Variants in MGAT4C observed in about 807,000 individuals in gnomAD.
MGAT4C encodes the protein alpha-1,3-mannosyl-glycoprotein 4-beta-N-acetylglucosaminyltransferase C.
A neutral mutation model predicts 40.1 loss-of-function variants in MGAT4C; 19 were observed. That is an observed-to-expected ratio of 0.47 (90% confidence interval 0.33 to 0.70). The LOEUF (loss-of-function observed/expected upper bound fraction) is 0.70, where lower values mean the gene tolerates loss of function less well. MGAT4C is among the 30% of genes least tolerant of loss of function. The probability of loss-of-function intolerance (pLI) is 0.02; values close to 1 mark genes in which losing one functional copy is unlikely to be tolerated. For missense variants in MGAT4C, 491 were observed against 563.2 expected (o/e 0.87, Z 1.30); for synonymous variants, 181 against 187.1 (o/e 0.97, Z 0.27).
intron 4 of MGAT4C, among the ~76,000 whole-genome samples, chr12:86,301,784 T>G (rs1953818530): frequency 6.6e-6 from 1 of 152,214 alleles, no homozygotes; most frequent in Admixed American, 6.5e-5. Flanking sequence ...TTTTCTCATT[T>G]TAATACTTCT....
chr12:86,338,191 A>G (rs1416391268), intron 3 of MGAT4C, among the ~76,000 whole-genome samples: 1 of 152,130 alleles, frequency 6.6e-6, no homozygotes, highest in East Asian at 1.9e-4. Context: ...CTTAGTGGGT[A>G]AGGGTAAGCC....
intron 2 of MGAT4C, among the ~76,000 whole-genome samples, chr12:85,990,853 T>G (rs1183896229): frequency 6.6e-6 from 1 of 152,248 alleles, no homozygotes; most frequent in Non-Finnish European, 1.5e-5. Context: ...CACATAAATG[T>G]ATATCCTGAG....
At chr12:86,243,952 C>A (rs748942386) in intron 1 of MGAT4C, among the ~76,000 whole-genome samples, 7 of 152,094 alleles carry the variant, frequency 4.6e-5, no homozygotes, top group Non-Finnish European at 1.0e-4. Context: ...TGAGAAGAGT[C>A]CAGGAGGAGA....
intron 2 of MGAT4C, among the ~76,000 whole-genome samples, chr12:86,510,267 A>G (rs1958549514): frequency 6.6e-6 from 1 of 152,116 alleles, no homozygotes; most frequent in South Asian, 2.1e-4. Context: ...AGTTTTTAGC[A>G]TGAAGGGTTG....
intron 2 of MGAT4C, among the ~76,000 whole-genome samples, chr12:86,654,385 A>G (rs887692853): frequency 9.2e-5 from 14 of 151,834 alleles, no homozygotes; most frequent in African/African-American, 2.9e-4. Flanking sequence ...CTTTCTTATC[A>G]AAGTGGTAGA....
intron 2 of MGAT4C, among the ~76,000 whole-genome samples, chr12:86,497,869 G>A (rs1958266593): frequency 7.3e-6 from 1 of 137,622 alleles, no homozygotes; most frequent in Admixed American, 7.8e-5. Context: ...TTACCAGATT[G>A]CTAATTTTCT....
chr12:86,023,340 A>C lies in MGAT4C; in HGVS notation c.-7+26334T>G, dbSNP rs564276182. 8.6e-5 allele frequency among the ~76,000 whole-genome samples: 13 copies of C among 151,908 alleles called. No individual in the cohort carries two copies. The East Asian group carries it at 2.5e-3, about 29-fold the overall frequency. On this transcript the variant is annotated intron_variant, in intron 2 of 4. Transcript: ENST00000611864. Reference sequence around the variant, plus strand: ...TCTTTAGAAAATAATTAAAATTTCCACCAAGTCGTTTTAGAGATGAATTAA... The same window carrying C: ...TCTTTAGAAAATAATTAAAATTTCCCCCAAGTCGTTTTAGAGATGAATTAA...
chr12:86,582,547 A>G (rs187705020), intron 2 of MGAT4C, among the ~76,000 whole-genome samples: 101 of 151,522 alleles, frequency 6.7e-4, no homozygotes, highest in African/African-American at 2.3e-3. Flanking sequence ...GTGTTACTGT[A>G]GTTGATTTGA....
In MGAT4C at chr12:86,271,418, G is replaced by A. The variant is rs934720507; in HGVS notation, c.-57+62647C>T. On this transcript the variant is annotated intron_variant, in intron 4 of 7. Transcript: ENST00000548651. The stretch of plus-strand genomic sequence containing the variant: ...AAATGGCCACAGGTGTATAAAAAAT[G>A]ATCAGTCAATATCACTAATCATTAC... Among the ~76,000 whole-genome samples, 7 of 152,188 alleles carry A rather than the reference G, an allele frequency of 4.6e-5. No individual in the cohort carries two copies. In the East Asian group the frequency reaches 1.2e-3, roughly 25 times the overall value.
At chr12:86,780,248 AT>A (rs1282099864) in intron 1 of MGAT4C, among the ~76,000 whole-genome samples, 2 of 152,170 alleles carry the variant, frequency 1.3e-5, no homozygotes, top group African/African-American at 4.8e-5. Context: ...AACATTAGAA[AT>A]TTTTTTATTT....
intron 1 of MGAT4C, among the ~76,000 whole-genome samples, chr12:86,837,275 T>TAA (rs1211952011): frequency 6.6e-6 from 1 of 152,186 alleles, no homozygotes; most frequent in Non-Finnish European, 1.5e-5. Flanking sequence ...AAGAAGTACT[T>TAA]AAAAGTCTCT....
At chr12:86,497,918 G>GTATA (rs1565804882) in intron 2 of MGAT4C, among the ~76,000 whole-genome samples, 65 of 139,112 alleles carry the variant, frequency 4.7e-4, no homozygotes, top group East Asian at 2.3e-3. Flanking sequence ...ATATATATAC[G>GTATA]CACACACACA....
At chr12:86,827,136 AG>A (rs1952823189) in intron 1 of MGAT4C, among the ~76,000 whole-genome samples, 1 of 151,450 alleles carries the variant, frequency 6.6e-6, no homozygotes, top group South Asian at 2.1e-4. Context: ...AAACTGCTTT[AG>A]TATGAGATCC....
chr12:86,385,884 C>A (rs1956040185), intron 3 of MGAT4C, among the ~76,000 whole-genome samples: 1 of 152,148 alleles, frequency 6.6e-6, no homozygotes, highest in African/African-American at 2.4e-5. Context: ...CAATCTTATA[C>A]AAATGTTACC....
At chr12:85,985,716 T>C (rs1885124943) in intron 3 of MGAT4C, among the ~76,000 whole-genome samples, 1 of 152,178 alleles carries the variant, frequency 6.6e-6, no homozygotes, top group African/African-American at 2.4e-5. Flanking sequence ...TTAAGTTCTT[T>C]ATACATAAAT....
intron 2 of MGAT4C, among the ~76,000 whole-genome samples, chr12:86,487,669 T>C (rs1231326356): frequency 6.6e-6 from 1 of 152,188 alleles, no homozygotes; most frequent in Non-Finnish European, 1.5e-5. Flanking sequence ...TTAAGGTAAT[T>C]TGACTTTTAT....
intron 2 of MGAT4C, among the ~76,000 whole-genome samples, chr12:86,449,616 T>C (rs1166082866): frequency 6.6e-6 from 1 of 152,182 alleles, no homozygotes. Context: ...TCTTCTCACT[T>C]CTGTCACCAT....
At chr12:86,658,271 G>T (rs1963896672) in intron 2 of MGAT4C, among the ~76,000 whole-genome samples, 1 of 152,012 alleles carries the variant, frequency 6.6e-6, no homozygotes, top group African/African-American at 2.4e-5. Flanking sequence ...AATAGCAGAG[G>T]TTTAAGTAAG....
Position 86,655,075 on chromosome 12 carries a change from T to C in MGAT4C, c.-229+72134A>G, listed in dbSNP as rs1014515027. Among the ~76,000 whole-genome samples the C allele has an allele frequency of 1.1e-4, 16 of 152,002 alleles. 1 individual carries two copies. Among genetic ancestry groups the C allele is most frequent in the African/African-American group, 3.9e-4 (16 of 41,400 alleles). ...TTTATACTTTAAGTTCTAGGGTACA[T>C]GTGCACAGCATGCAGGTTTGTTGCA... On this transcript the variant is annotated intron_variant, in intron 2 of 7. Transcript: ENST00000548651.
Sources: gnomAD v4.1 joint callset for allele counts (sites outside exome capture counted in the v4.1 genomes callset) on GRCh38, gnomAD v4.1.1 for gene constraint, MANE v1.5 for transcripts, NCBI Gene and HGNC (gene_info 2026-07-23, HGNC 2026-07-21) for gene names.